The following TMEM165 variants were observed in gnomAD, a reference collection of about 807,000 sequenced individuals.
TMEM165 encodes the protein putative divalent cation/proton antiporter TMEM165.
TMEM165 carries 19 observed loss-of-function variants against 30.0 expected under a neutral mutation model. That is an observed-to-expected ratio of 0.63 (90% CI 0.44 to 0.93). TMEM165 has a LOEUF of 0.93. Ranked by LOEUF, TMEM165 falls within the 40% of genes least tolerant of loss-of-function variation. The probability of loss-of-function intolerance (pLI) is 0.00; values close to 1 mark genes in which losing one functional copy is unlikely to be tolerated. For synonymous variants in TMEM165, 168 were observed against 162.9 expected (o/e 1.03, Z -0.24); for missense variants, 340 against 417.0 (o/e 0.82, Z 1.61).
intron 3 of TMEM165, chr4:55,435,385 C>T (rs1235847414): frequency 6.2e-7 from 1 of 1,613,432 alleles, no homozygotes; most frequent in Admixed American, 1.7e-5. Flanking sequence ...TCCCCTTCCT[C>T]CCTTGATGTC....
chr4:55,450,866 G>A lies in TMEM165; in HGVS notation c.409-1373G>A, dbSNP rs184134355. Among the ~76,000 whole-genome samples the A allele has an allele frequency of 2.3e-3, 354 of 152,100 alleles. 2 individuals are homozygous for A. Among genetic ancestry groups the A allele is most frequent in the African/African-American group, 7.9e-3 (329 of 41,466 alleles). ...CAAGAAAACATAGGGGAGAAAGCCAGGTGAATGCCTGCGGTGCCAACTACC... is the reference window on the plus strand; with the variant it reads ...CAAGAAAACATAGGGGAGAAAGCCAAGTGAATGCCTGCGGTGCCAACTACC... On this transcript the variant is annotated intron_variant, in intron 3 of 3. Transcript: ENST00000608091.
intron 2 of TMEM165, 112 bp downstream of exon 2, chr4:55,411,951 T>A (rs756640967): frequency 2.0e-6 from 2 of 996,850 alleles, no homozygotes; most frequent in Non-Finnish European, 3.1e-6. Context: ...GCTTACACCT[T>A]ATTTGTGGTC....
chr4:55,448,601 CGTGTGTGTGTGTGTGTGTGTGTGT>C (rs3034980), intron 3 of TMEM165, among the ~76,000 whole-genome samples: 4 of 117,038 alleles, frequency 3.4e-5, no homozygotes, highest in African/African-American at 1.2e-4. Context: ...CGCACGCGCG[CGTGTGTGTGTGTGTGTGTGTGTGT>C]GTGTGTGTGT....
intron 3 of TMEM165, among the ~76,000 whole-genome samples, chr4:55,447,279 G>A (rs1455349424): frequency 6.6e-6 from 1 of 152,044 alleles, no homozygotes. Context: ...AGGCGGGATC[G>A]CCTGAGCTCA....
chr4:55,443,094 C>A (rs1265409564), intron 3 of TMEM165, among the ~76,000 whole-genome samples: 2 of 152,148 alleles, frequency 1.3e-5, no homozygotes, highest in Admixed American at 1.3e-4. Context: ...GCCTCTTGAG[C>A]AAGTCATACC....
intron 1 of TMEM165, chr4:55,397,118 G>T (rs1467539621): frequency 6.6e-6 from 1 of 152,232 alleles, no homozygotes; most frequent in Non-Finnish European, 1.5e-5. Context: ...CCTTCTCCCA[G>T]TCGTGGGCTT....
chr4:55,445,462 G>A (rs1002224249), intron 3 of TMEM165, among the ~76,000 whole-genome samples: 8 of 151,966 alleles, frequency 5.3e-5, no homozygotes, highest in African/African-American at 1.4e-4. Context: ...ATCTTAGCCT[G>A]GCATGGGGGA....
chr4:55,416,057 A>G (rs1057091217), intron 2 of TMEM165: 1 of 151,974 alleles, frequency 6.6e-6, no homozygotes, highest in Non-Finnish European at 1.5e-5. Flanking sequence ...GGATTTCGCC[A>G]TGTTGACCAG....
At chr4:55,428,902 A>G (rs1341115214), downstream of TMEM165, 1 of 151,906 alleles carries the variant, frequency 6.6e-6, no homozygotes, top group African/African-American at 2.4e-5. Context: ...GCCTTCCCCA[A>G]CTTAAACCAT....
chr4:55,433,560 T>C (rs971188509), intron 3 of TMEM165: 3 of 152,210 alleles, frequency 2.0e-5, no homozygotes, highest in Admixed American at 1.3e-4. Flanking sequence ...CTTTTCTGTT[T>C]TAACAACCTC....
At chr4:55,432,292 T>C (rs1198874967) in intron 3 of TMEM165, 1 of 152,104 alleles carries the variant, frequency 6.6e-6, no homozygotes, top group African/African-American at 2.4e-5. Context: ...TATTAACCCT[T>C]CTAGTTCTCA....
intron 3 of TMEM165, among the ~76,000 whole-genome samples, chr4:55,436,499 A>G (rs574278831): frequency 2.6e-5 from 4 of 152,362 alleles, no homozygotes; most frequent in East Asian, 1.9e-4. Context: ...AATTTTTACA[A>G]TGAAAGTCCT....
chr4:55,401,285 G>C lies in TMEM165; in HGVS notation c.207+4889G>C, dbSNP rs550637029. ...CCAATTTACAAACCCATGATAAAAAGTGTTGTTGATTACTTGGATCCTATC... is the reference window on the plus strand; with the variant it reads ...CCAATTTACAAACCCATGATAAAAACTGTTGTTGATTACTTGGATCCTATC... On this transcript the variant is annotated intron_variant, in intron 1 of 5. Coordinates refer to ENST00000381334, the MANE Select transcript of TMEM165 (RefSeq NM_018475.5). Among the ~76,000 whole-genome samples, 15 of 150,866 alleles carry C rather than the reference G, an allele frequency of 9.9e-5. No homozygotes were observed. In the South Asian group the frequency reaches 3.1e-3, roughly 31 times the overall value.
intron 3 of TMEM165, chr4:55,435,313 C>T (rs954166316): frequency 1.4e-6 from 2 of 1,385,408 alleles, no homozygotes; most frequent in African/African-American, 2.8e-5. Context: ...TACTGCATCT[C>T]ATGAAACTGC....
rs371889849 is a variant in TMEM165, at chr4:55,443,683, T to C, written c.409-8556T>C. The C allele has an allele frequency of 3.7e-6, 6 of 1,611,748 alleles. No homozygotes were observed. In the African/African-American group the frequency reaches 5.3e-5, roughly 14 times the overall value. ...CCATAGCCCGCTGTGCTCAGTAACATTACCTGAGTTGATGTACTCTGTAAA... is the reference window on the plus strand; with the variant it reads ...CCATAGCCCGCTGTGCTCAGTAACACTACCTGAGTTGATGTACTCTGTAAA... On this transcript the variant is annotated intron_variant, in intron 3 of 3. Transcript: ENST00000608091.
chr4:55,408,919 G>GC (rs894297675), intron 1 of TMEM165, among the ~76,000 whole-genome samples: 9 of 101,630 alleles, frequency 8.9e-5, no homozygotes, highest in African/African-American at 1.8e-4. Flanking sequence ...AATTTGAAAT[G>GC]CCCTTTTTTT....
At chr4:55,429,404 A>G (rs1722372870), downstream of TMEM165, 1 of 152,158 alleles carries the variant, frequency 6.6e-6, no homozygotes, top group South Asian at 2.1e-4. Flanking sequence ...CTTGTGAGCA[A>G]GAAGGATCCT....
At chr4:55,451,386 A>G (rs1724434742) in intron 3 of TMEM165, among the ~76,000 whole-genome samples, 1 of 152,194 alleles carries the variant, frequency 6.6e-6, no homozygotes. Context: ...CTAACTTACT[A>G]GCTATTACCC....
intron 3 of TMEM165, among the ~76,000 whole-genome samples, 186 bp downstream of exon 3, chr4:55,417,433 A>G (rs554017027): frequency 6.6e-6 from 1 of 152,302 alleles, no homozygotes; most frequent in East Asian, 1.9e-4. Flanking sequence ...GTAGTAGAGA[A>G]AGGAAGCTGA....
Sources: gnomAD v4.1 joint callset for allele counts (sites outside exome capture counted in the v4.1 genomes callset) on GRCh38, gnomAD v4.1.1 for gene constraint, MANE v1.5 for transcripts, NCBI Gene and HGNC (gene_info 2026-07-23, HGNC 2026-07-21) for gene names.